The following GUCY1A2 variants were observed in gnomAD, a reference collection of about 807,000 sequenced individuals.
GUCY1A2 encodes guanylate cyclase 1 soluble subunit alpha 2, also known as guanylate cyclase soluble subunit alpha-2.
A neutral mutation model predicts 63.5 loss-of-function variants in GUCY1A2; 27 were observed. That is an observed-to-expected ratio of 0.43 (90% confidence interval 0.31 to 0.59). The LOEUF is 0.59. Ranked by LOEUF, GUCY1A2 falls within the 20% of genes least tolerant of loss-of-function variation. The probability of loss-of-function intolerance (pLI) is 0.11; values close to 1 mark genes in which losing one functional copy is unlikely to be tolerated. For missense variants in GUCY1A2, 768 were observed against 913.3 expected (o/e 0.84, Z 2.05); for synonymous variants, 364 against 343.5 (o/e 1.06, Z -0.66).
At chr11:106,735,578 G>C (rs948746970) in intron 6 of GUCY1A2, among the ~76,000 whole-genome samples, 24 of 152,254 alleles carry the variant, frequency 1.6e-4, no homozygotes, top group Middle Eastern at 6.8e-3. Context: ...ATTGTGACTA[G>C]CGTTACAATA....
chr11:106,827,413 T>A, intron 4 of GUCY1A2: 2 of 1,487,724 alleles, frequency 1.3e-6, no homozygotes, highest in Non-Finnish European at 1.9e-6. Context: ...ATACACTAAC[T>A]CAAGTGCGAT....
chr11:106,875,243 C>T (rs1859733967), intron 4 of GUCY1A2, among the ~76,000 whole-genome samples: 2 of 152,064 alleles, frequency 1.3e-5, no homozygotes, highest in African/African-American at 4.8e-5. Context: ...TGCCAAGATA[C>T]AAAGTCAGGC....
intron 7 of GUCY1A2, among the ~76,000 whole-genome samples, chr11:106,705,627 G>A (rs550733544): frequency 3.3e-5 from 5 of 152,192 alleles, no homozygotes; most frequent in African/African-American, 1.2e-4. Context: ...TTGGGAGGCC[G>A]AGGAGGGCAG....
At chr11:106,845,459 G>A (rs1027829678) in intron 4 of GUCY1A2, among the ~76,000 whole-genome samples, 2 of 151,474 alleles carry the variant, frequency 1.3e-5, no homozygotes, top group Non-Finnish European at 3.0e-5. Context: ...AACATGTTAC[G>A]TGGATTGTCT....
chr11:106,889,041 A>ATTACAATG (rs1859940151), intron 4 of GUCY1A2, among the ~76,000 whole-genome samples: 1 of 152,242 alleles, frequency 6.6e-6, no homozygotes, highest in African/African-American at 2.4e-5. Flanking sequence ...GATTAAAAAA[A>ATTACAATG]TTACAATGCA....
At chr11:106,883,885 T>A (rs1859861284) in intron 4 of GUCY1A2, among the ~76,000 whole-genome samples, 1 of 152,104 alleles carries the variant, frequency 6.6e-6, no homozygotes, top group Non-Finnish European at 1.5e-5. Context: ...TTCATGTCCT[T>A]TGTAGGGACA....
At chr11:106,836,905 A>G (rs1241606725) in intron 4 of GUCY1A2, among the ~76,000 whole-genome samples, 2 of 151,974 alleles carry the variant, frequency 1.3e-5, no homozygotes, top group East Asian at 3.9e-4. Context: ...GTTTTTGTGC[A>G]TAAGTTTTTT....
intron 4 of GUCY1A2, among the ~76,000 whole-genome samples, chr11:106,886,445 A>G (rs1434383644): frequency 6.6e-6 from 1 of 152,126 alleles, no homozygotes; most frequent in Admixed American, 6.5e-5. Flanking sequence ...AAAGAAATAC[A>G]AACTTCTGTT....
intron 6 of GUCY1A2, among the ~76,000 whole-genome samples, chr11:106,740,428 G>A (rs1863673562): frequency 6.6e-6 from 1 of 152,102 alleles, no homozygotes; most frequent in Admixed American, 6.6e-5. Context: ...GTTGGCCATA[G>A]AGCAGTGATG....
chr11:106,688,246 GAAC>G (rs1048987281), intron 7 of GUCY1A2, among the ~76,000 whole-genome samples: 4 of 152,070 alleles, frequency 2.6e-5, no homozygotes, highest in African/African-American at 9.7e-5. Flanking sequence ...TAACTTTGTA[GAAC>G]AACACTTCGT....
intron 1 of GUCY1A2, among the ~76,000 whole-genome samples, chr11:106,997,644 A>G (rs1280319132): frequency 1.6e-5 from 2 of 128,600 alleles, no homozygotes; most frequent in Non-Finnish European, 3.2e-5. Context: ...GAGCAAGACT[A>G]TATATTAAGG....
chr11:106,925,822 C>A (rs1481356400), intron 4 of GUCY1A2, among the ~76,000 whole-genome samples: 1 of 152,012 alleles, frequency 6.6e-6, no homozygotes, highest in Non-Finnish European at 1.5e-5. Context: ...AAAAATCAAT[C>A]CAAACATTAA....
chr11:106,975,962 G>A (rs1292674575), intron 3 of GUCY1A2, among the ~76,000 whole-genome samples: 2 of 152,086 alleles, frequency 1.3e-5, no homozygotes, highest in African/African-American at 4.8e-5. Context: ...CTTTCTAGAG[G>A]AGTTGTTTAT....
At position 106,682,774 on chromosome 11, in the gene GUCY1A2, G is replaced by C. The variant is rs1484170342; in HGVS notation, c.*4775C>G. 4 of 210,356 alleles carry C rather than the reference G, an allele frequency of 1.9e-5. No individual in the cohort carries two copies. Among genetic ancestry groups the C allele is most frequent in the Non-Finnish European group, 3.9e-5 (4 of 103,562 alleles). 13.0% of individuals were successfully genotyped at this position (210,356 alleles called of 1,614,324 possible). A position where few individuals can be genotyped will look rare whatever the true frequency, so the allele number is the denominator to read the frequency against. On this transcript the variant is annotated 3_prime_UTR_variant, in exon 8 of 8. Transcript: ENST00000526355. ...TATGGGATTAGCTGTGATACTTCCT[G>C]TGTTATAAATGTATCAGTGACCTTT...
At chr11:106,843,530 G>A (rs539150382) in intron 4 of GUCY1A2, among the ~76,000 whole-genome samples, 55 of 151,972 alleles carry the variant, frequency 3.6e-4, no homozygotes, top group Non-Finnish European at 6.8e-4. Context: ...GAAATTAAAA[G>A]CATTTGAAAG....
In GUCY1A2 at chr11:106,679,388, A is replaced by G. The variant is rs74625846; in HGVS notation, c.*8161T>C. On this transcript the variant is annotated 3_prime_UTR_variant, in exon 8 of 8. Coordinates refer to ENST00000526355, the MANE Select transcript of GUCY1A2 (RefSeq NM_000855.3). ...AGACAGATGGACATTTTTCTGCTCT[A>G]AAGTTCCACACTTGTTTTGCTAGCA... 2.6e-3 allele frequency: 511 copies of G among 194,732 alleles called. 1 individual carries two copies. Among genetic ancestry groups the G allele is most frequent in the African/African-American group, 0.011 (496 of 43,170 alleles). 12.1% of individuals were successfully genotyped at this position (194,732 alleles called of 1,614,324 possible). A position where few individuals can be genotyped will look rare whatever the true frequency, so the allele number is the denominator to read the frequency against.
At chr11:106,854,882 C>A (rs190378755) in intron 4 of GUCY1A2, among the ~76,000 whole-genome samples, 2 of 152,040 alleles carry the variant, frequency 1.3e-5, no homozygotes, top group African/African-American at 4.8e-5. Flanking sequence ...CTGGGGGCAG[C>A]CACCCTGGTG....
chr11:106,762,849 T>C (rs1468079432), intron 6 of GUCY1A2, among the ~76,000 whole-genome samples: 1 of 152,092 alleles, frequency 6.6e-6, no homozygotes, highest in Admixed American at 6.6e-5. Flanking sequence ...CTCATTAGGC[T>C]GGCCAAATGT....
chr11:106,730,488 GAAC>G (rs924411974), intron 6 of GUCY1A2, among the ~76,000 whole-genome samples: 8 of 151,900 alleles, frequency 5.3e-5, no homozygotes, highest in Non-Finnish European at 1.0e-4. Context: ...TGGTATATAT[GAAC>G]AACATTTTCT....
Sources: gnomAD v4.1 joint callset for allele counts (sites outside exome capture counted in the v4.1 genomes callset) on GRCh38, gnomAD v4.1.1 for gene constraint, MANE v1.5 for transcripts, NCBI Gene and HGNC (gene_info 2026-07-23, HGNC 2026-07-21) for gene names.